The following PIP4K2A variants were observed in gnomAD, a reference collection of about 807,000 sequenced individuals.
PIP4K2A encodes phosphatidylinositol-5-phosphate 4-kinase type 2 alpha.
A neutral mutation model predicts 42.9 loss-of-function variants in PIP4K2A; 14 were observed. That is an observed-to-expected ratio of 0.33 (90% CI 0.22 to 0.51). The LOEUF (loss-of-function observed/expected upper bound fraction) is 0.51. Ranked by LOEUF, PIP4K2A falls within the 20% of genes least tolerant of loss-of-function variation. The pLI is 0.97. For missense variants in PIP4K2A, 434 were observed against 519.8 expected, an observed-to-expected ratio of 0.83 and a Z score of 1.61; for synonymous variants, 192 against 192.2, an observed-to-expected ratio of 1.00 and a Z score of 0.01.
chr10:22,618,961 A>C (rs1838250176), intron 1 of PIP4K2A, among the ~76,000 whole-genome samples: 1 of 152,140 alleles, frequency 6.6e-6, no homozygotes, highest in South Asian at 2.1e-4. Context: ...TAAAGGCATA[A>C]TTTTTTCTTA....
intron 1 of PIP4K2A, among the ~76,000 whole-genome samples, chr10:22,677,218 C>T (rs942591040): frequency 3.9e-5 from 6 of 152,044 alleles, no homozygotes; most frequent in African/African-American, 7.2e-5. Context: ...TGTGCTCATT[C>T]ACTGGGTGCA....
At chr10:22,614,484 T>C (rs914459184) in intron 1 of PIP4K2A, among the ~76,000 whole-genome samples, 7 of 152,216 alleles carry the variant, frequency 4.6e-5, no homozygotes, top group Admixed American at 3.3e-4. Context: ...TTGCATCACA[T>C]TGCTTTTGGC....
chr10:22,609,939 G>A (rs1037655442), intron 1 of PIP4K2A, among the ~76,000 whole-genome samples: 3 of 152,002 alleles, frequency 2.0e-5, no homozygotes, highest in African/African-American at 7.3e-5. Flanking sequence ...GCCACCGGAC[G>A]GCAGTGGTGA....
Position 22,664,081 on chromosome 10 carries a change from A to G in PIP4K2A, c.144+50102T>C, listed in dbSNP as rs868248913. Among the ~76,000 whole-genome samples, 157 of 81,982 alleles carry G rather than the reference A, an allele frequency of 1.9e-3. 1 individual carries two copies. Among genetic ancestry groups the G allele is most frequent in the Non-Finnish European group, 2.3e-3 (110 of 48,468 alleles). The allele number at this position is 81,982 out of a possible 152,430, so 53.8% of individuals were successfully genotyped here. The stretch of plus-strand genomic sequence containing the variant: ...TATATACATATATATATATACGTAT[A>G]TATATATACATATATATATATACAT... On this transcript the variant is annotated intron_variant, in intron 1 of 9. Coordinates refer to ENST00000376573, the MANE Select transcript of PIP4K2A (RefSeq NM_005028.5).
intron 1 of PIP4K2A, among the ~76,000 whole-genome samples, chr10:22,653,439 G>C (rs907861318): frequency 1.3e-5 from 2 of 152,100 alleles, no homozygotes; most frequent in African/African-American, 4.8e-5. Context: ...AGTTTCACTG[G>C]GGAAAGTGAA....
intron 1 of PIP4K2A, among the ~76,000 whole-genome samples, chr10:22,664,585 C>A (rs1839313400): frequency 1.3e-5 from 2 of 151,764 alleles, no homozygotes; most frequent in Non-Finnish European, 2.9e-5. Flanking sequence ...GTGGTTAAAT[C>A]TATTAGTCTT....
At chr10:22,591,450 A>G (rs1837508894) in intron 4 of PIP4K2A, among the ~76,000 whole-genome samples, 179 bp downstream of exon 4, 2 of 152,256 alleles carry the variant, frequency 1.3e-5, no homozygotes, top group African/African-American at 4.8e-5. Flanking sequence ...AAGCATGCCT[A>G]AAGGTTAACT....
At chr10:22,558,517 C>A (rs115226124) in intron 6 of PIP4K2A, among the ~76,000 whole-genome samples, 1,805 of 152,218 alleles carry the variant, frequency 0.012, 44 homozygotes, top group African/African-American at 0.042. Flanking sequence ...CATCAAAAGG[C>A]AAATTAGTGG....
Position 22,662,473 on chromosome 10 carries a change from T to C in PIP4K2A, c.144+51710A>G, listed in dbSNP as rs1218882052. ...CAAAGGCCAACCTCTAAATTTGATA[T>C]TTGTGCGTACGACAATAGATTTGAT... On this transcript the variant is annotated intron_variant, in intron 1 of 9. Coordinates refer to ENST00000376573, the MANE Select transcript of PIP4K2A (RefSeq NM_005028.5). 2.0e-5 allele frequency among the ~76,000 whole-genome samples: 3 copies of C among 152,328 alleles called. No individual in the cohort carries two copies. The East Asian group carries it at 5.8e-4, about 29-fold the overall frequency.
chr10:22,642,021 G>C (rs1838792745), intron 1 of PIP4K2A: 1 of 152,278 alleles, frequency 6.6e-6, no homozygotes, highest in Non-Finnish European at 1.5e-5. Context: ...TTAATGATGA[G>C]ATATAAAGAA....
At chr10:22,606,358 T>G (rs919663903) in intron 3 of PIP4K2A, among the ~76,000 whole-genome samples, 2 of 151,920 alleles carry the variant, frequency 1.3e-5, no homozygotes, top group African/African-American at 4.8e-5. Context: ...TCCCACGCAG[T>G]TTTAATAGCA....
intron 1 of PIP4K2A, among the ~76,000 whole-genome samples, chr10:22,711,396 G>A (rs1833908731): frequency 6.6e-6 from 1 of 152,198 alleles, no homozygotes; most frequent in South Asian, 2.1e-4. Flanking sequence ...TGTAGTCAAG[G>A]TCTTGAAAAT....
chr10:22,650,542 A>C (rs1838973358), intron 1 of PIP4K2A, among the ~76,000 whole-genome samples: 1 of 152,220 alleles, frequency 6.6e-6, no homozygotes, highest in Non-Finnish European at 1.5e-5. Flanking sequence ...CACTCTATAC[A>C]CAAGAGAACC....
intron 1 of PIP4K2A, among the ~76,000 whole-genome samples, chr10:22,702,406 C>T (rs984712201): frequency 2.0e-5 from 3 of 152,208 alleles, no homozygotes; most frequent in Admixed American, 6.5e-5. Flanking sequence ...AATAACACTG[C>T]AGCACACTCT....
intron 3 of PIP4K2A, among the ~76,000 whole-genome samples, chr10:22,601,729 A>G (rs984165103): frequency 7.2e-5 from 11 of 152,342 alleles, no homozygotes; most frequent in African/African-American, 2.4e-4. Flanking sequence ...CTCCAACCTC[A>G]TTCAGAGTTG....
At chr10:22,688,809 T>C (rs1214926455) in intron 1 of PIP4K2A, among the ~76,000 whole-genome samples, 3 of 152,188 alleles carry the variant, frequency 2.0e-5, no homozygotes, top group Admixed American at 6.5e-5. Context: ...CTTCAGTTCA[T>C]AATATTTTTT....
intron 1 of PIP4K2A, among the ~76,000 whole-genome samples, chr10:22,619,439 C>CTTTTTTTTTTTTTTTTT (rs746519034): frequency 7.3e-6 from 1 of 137,508 alleles, no homozygotes; most frequent in African/African-American, 2.8e-5. Context: ...TTTCTTTTTT[C>CTTTTTTTTTTTTTTTTT]TTTTTTTTTT....
At chr10:22,633,930 A>G (rs12777265) in intron 1 of PIP4K2A, among the ~76,000 whole-genome samples, 1 of 152,224 alleles carries the variant, frequency 6.6e-6, no homozygotes, top group Admixed American at 6.5e-5. Context: ...GGAAAAACGG[A>G]GTCCACAACA....
intron 3 of PIP4K2A, among the ~76,000 whole-genome samples, chr10:22,597,518 C>T (rs1837661145): frequency 6.6e-6 from 1 of 152,164 alleles, no homozygotes; most frequent in Non-Finnish European, 1.5e-5. Context: ...TCCACTTTCT[C>T]TGCTTACAAC....
Sources: allele counts gnomAD v4.1 joint callset (sites outside exome capture counted in the v4.1 genomes callset), GRCh38; gene constraint gnomAD v4.1.1; transcripts MANE v1.5; gene names NCBI Gene and HGNC (gene_info 2026-07-23, HGNC 2026-07-21).